The following TEX101 variants were observed in gnomAD, a reference collection of about 807,000 sequenced individuals.
The protein encoded by TEX101 is testis-expressed protein 101.
Under a neutral mutation model 18.1 loss-of-function variants are expected in TEX101, and 10 were observed. The ratio of observed to expected loss-of-function variants is 0.55; its 90% CI spans 0.34 to 0.94. TEX101 has a LOEUF of 0.94. Ranked by LOEUF, TEX101 falls within the 40% of genes least tolerant of loss-of-function variation. TEX101 has a pLI of 0.02. For missense variants in TEX101, 259 were observed against 298.9 expected, an observed-to-expected ratio of 0.87 and a Z score of 0.98; for synonymous variants, 94 against 114.8, an observed-to-expected ratio of 0.82 and a Z score of 1.16.
the TEX101 span, among the ~76,000 whole-genome samples, chr19:43,389,718 G>A: frequency 2.0e-4 from 30 of 152,258 alleles, no homozygotes; most frequent in African/African-American, 5.5e-4. Flanking sequence ...CTGGGCACCC[G>A]ACCCCTCAGC....
Position 43,415,894 on chromosome 19 carries a change from C to T in TEX101, c.-26C>T, listed in dbSNP as rs774359344. On this transcript the variant is annotated 5_prime_UTR_variant, in exon 2 of 6. Transcript: ENST00000598265. ...TCAAATTCACAGATCCAGACCAGCT[C>T]CTCCCAGACCTCTCCAGAAGAAGCC... 6.2e-7 allele frequency: 1 copy of T among 1,614,120 alleles called. No individual in the cohort carries two copies.
At chr19:43,405,122 T>A (rs1447529611) in intron 2 of TEX101, among the ~76,000 whole-genome samples, 1 of 152,150 alleles carries the variant, frequency 6.6e-6, no homozygotes, top group Non-Finnish European at 1.5e-5. Context: ...TCAGGGTGAG[T>A]AGGCAAATTG....
intron 2 of TEX101, among the ~76,000 whole-genome samples, chr19:43,404,069 G>GGT (rs1555745033): frequency 1.9e-5 from 2 of 103,204 alleles, no homozygotes; most frequent in African/African-American, 3.7e-5. Context: ...AAGTGTGTGG[G>GGT]TTTTTTTTTT....
the TEX101 span, among the ~76,000 whole-genome samples, chr19:43,393,979 A>G: frequency 6.6e-6 from 1 of 151,812 alleles, no homozygotes; most frequent in African/African-American, 2.4e-5. Context: ...GTGGTGTTTA[A>G]ATTCAGAGAC....
At chr19:43,396,335 C>T in the TEX101 span, among the ~76,000 whole-genome samples, 37 of 152,354 alleles carry the variant, frequency 2.4e-4, no homozygotes, top group East Asian at 4.4e-3. Flanking sequence ...TCCACTTTTA[C>T]GATCTGAATA....
At chr19:43,403,272 C>T (rs1267213902) in intron 2 of TEX101, among the ~76,000 whole-genome samples, 1 of 152,168 alleles carries the variant, frequency 6.6e-6, no homozygotes, top group African/African-American at 2.4e-5. Context: ...TATATCCCAC[C>T]TGAGTCATTC....
At chr19:43,408,143 G>C (rs952078062) in intron 3 of TEX101, among the ~76,000 whole-genome samples, 1 of 152,190 alleles carries the variant, frequency 6.6e-6, no homozygotes, top group East Asian at 1.9e-4. Context: ...GAGCCTGCCC[G>C]AGCCCGCAAT....
chr19:43,408,726 G>A (rs976024530), intron 3 of TEX101, among the ~76,000 whole-genome samples: 2 of 152,058 alleles, frequency 1.3e-5, no homozygotes, highest in African/African-American at 4.8e-5. Flanking sequence ...TTCAGGGAGG[G>A]CTGCACTATC....
At chr19:43,406,759 G>C (rs1259913967) in intron 3 of TEX101, among the ~76,000 whole-genome samples, 1 of 152,154 alleles carries the variant, frequency 6.6e-6, no homozygotes, top group Non-Finnish European at 1.5e-5. Flanking sequence ...AAGCTCCTGG[G>C]TCTTGGATTT....
exon 3 of TEX101, chr19:43,406,288 C>G (rs886878329): frequency 1.7e-5 from 9 of 536,318 alleles, no homozygotes; most frequent in Non-Finnish European, 2.6e-5. Context: ...AACCGTGACC[C>G]TCTTAAAAGA....
At chr19:43,416,579 G>C in intron 4 of TEX101, 24 bp downstream of exon 4, 1 of 1,599,830 alleles carries the variant, frequency 6.3e-7, no homozygotes, top group Non-Finnish European at 8.5e-7. Context: ...GGGGGAGATA[G>C]GTACTAAGAG....
At chr19:43,390,801 G>A in the TEX101 span, among the ~76,000 whole-genome samples, 5 of 151,146 alleles carry the variant, frequency 3.3e-5, no homozygotes, top group African/African-American at 9.8e-5. Flanking sequence ...CCAGTGGCAG[G>A]AGTACATTTA....
upstream of TEX101, among the ~76,000 whole-genome samples, chr19:43,414,431 T>C (rs892146208): frequency 1.3e-5 from 2 of 152,078 alleles, no homozygotes; most frequent in Non-Finnish European, 2.9e-5. Context: ...CAGGGGCCAC[T>C]GCAAGTGAAG....
At chr19:43,404,631 A>T (rs941021983) in intron 2 of TEX101, among the ~76,000 whole-genome samples, 3 of 151,688 alleles carry the variant, frequency 2.0e-5, no homozygotes, top group Admixed American at 2.0e-4. Context: ...TGATTTTTTA[A>T]TTTTTTTCTA....
chr19:43,414,756 C>T (rs1401191598), upstream of TEX101: 4 of 836,842 alleles, frequency 4.8e-6, no homozygotes, highest in Non-Finnish European at 4.3e-6. Flanking sequence ...CCGAGATTGC[C>T]AGGAATTGAC....
At chr19:43,412,236 T>A (rs531016861), upstream of TEX101, among the ~76,000 whole-genome samples, 2 of 152,270 alleles carry the variant, frequency 1.3e-5, no homozygotes, top group African/African-American at 4.8e-5. Flanking sequence ...CTTTTACTTA[T>A]GGCAAAAGGA....
At chr19:43,403,864 C>G (rs1472049019) in intron 2 of TEX101, among the ~76,000 whole-genome samples, 1 of 151,612 alleles carries the variant, frequency 6.6e-6, no homozygotes, top group Non-Finnish European at 1.5e-5. Flanking sequence ...ACAATGAAAC[C>G]CTGTCTCTAC....
At chr19:43,413,233 C>T (rs1462327379), upstream of TEX101, among the ~76,000 whole-genome samples, 1 of 152,096 alleles carries the variant, frequency 6.6e-6, no homozygotes, top group Non-Finnish European at 1.5e-5. Context: ...ATTGGCCAGG[C>T]GTGGTGGCTC....
chr19:43,414,538 G>A (rs1262233002), upstream of TEX101, among the ~76,000 whole-genome samples: 1 of 152,178 alleles, frequency 6.6e-6, no homozygotes, highest in East Asian at 1.9e-4. Context: ...TTTGGGTAGG[G>A]AGATAAGTTC....
Sources: allele counts gnomAD v4.1 joint callset (sites outside exome capture counted in the v4.1 genomes callset), GRCh38; gene constraint gnomAD v4.1.1; transcripts MANE v1.5; gene names NCBI Gene and HGNC (gene_info 2026-07-23, HGNC 2026-07-21).